PPP2R2B: variants seen among roughly 807,000 people sequenced by gnomAD.
The protein encoded by PPP2R2B is protein phosphatase 2 regulatory subunit Bbeta, also known as serine/threonine-protein phosphatase 2A 55 kDa regulatory subunit B beta isoform.
Under a neutral mutation model 46.0 loss-of-function variants are expected in PPP2R2B, and 5 were observed. That is an observed-to-expected ratio of 0.11 (90% CI 0.06 to 0.23). PPP2R2B has a LOEUF of 0.23. PPP2R2B is among the 10% of genes least tolerant of loss of function. The pLI, the probability that PPP2R2B is intolerant of heterozygous loss-of-function variation, is 1.00. For synonymous variants in PPP2R2B, 215 were observed against 206.7 expected (o/e 1.04, Z -0.34); for missense variants, 367 against 575.0 (o/e 0.64, Z 3.70).
At chr5:147,047,232 T>C (rs1374667151) in intron 1 of PPP2R2B, among the ~76,000 whole-genome samples, 3 of 152,138 alleles carry the variant, frequency 2.0e-5, no homozygotes, top group Non-Finnish European at 4.4e-5. Flanking sequence ...TCCAGTGTTC[T>C]ATACCACTGT....
chr5:146,616,065 C>G (rs1202103625), intron 7 of PPP2R2B, among the ~76,000 whole-genome samples: 1 of 151,936 alleles, frequency 6.6e-6, no homozygotes, highest in African/African-American at 2.4e-5. Flanking sequence ...ACACAAGAAC[C>G]CAGAAACAAA....
chr5:146,823,349 C>T (rs1758385411), intron 2 of PPP2R2B, among the ~76,000 whole-genome samples: 1 of 152,124 alleles, frequency 6.6e-6, no homozygotes, highest in South Asian at 2.1e-4. Flanking sequence ...AGGCGCCCAC[C>T]ACAAGGCCCG....
chr5:147,041,123 A>C (rs576611691), intron 1 of PPP2R2B, among the ~76,000 whole-genome samples: 25 of 152,132 alleles, frequency 1.6e-4, no homozygotes, highest in Non-Finnish European at 3.1e-4. Flanking sequence ...GTTTACACTA[A>C]TTCTCTGTGT....
At chr5:146,803,044 T>A (rs1488796005) in intron 2 of PPP2R2B, among the ~76,000 whole-genome samples, 1 of 151,966 alleles carries the variant, frequency 6.6e-6, no homozygotes, top group Non-Finnish European at 1.5e-5. Flanking sequence ...ACAAGAGGAG[T>A]GAAATTCAGC....
intron 2 of PPP2R2B, among the ~76,000 whole-genome samples, chr5:146,725,548 C>T (rs896507337): frequency 1.3e-5 from 2 of 152,152 alleles, no homozygotes; most frequent in African/African-American, 4.8e-5. Flanking sequence ...TATAAGTTGA[C>T]CATAAAACAC....
intron 1 of PPP2R2B, among the ~76,000 whole-genome samples, chr5:146,976,585 GTTTC>G (rs1354398164): frequency 3.9e-5 from 6 of 152,020 alleles, no homozygotes; most frequent in Non-Finnish European, 7.4e-5. Flanking sequence ...GAAAAAGAAG[GTTTC>G]TTTCTATCAA....
intron 5 of PPP2R2B, among the ~76,000 whole-genome samples, 169 bp downstream of exon 5, chr5:146,690,959 T>C (rs2151152472): frequency 1.3e-5 from 2 of 152,380 alleles, no homozygotes; most frequent in Non-Finnish European, 2.9e-5. Flanking sequence ...GCTTGGCACC[T>C]TTCCTGCTTC....
intron 2 of PPP2R2B, chr5:146,706,766 A>C: frequency 1.2e-6 from 1 of 805,950 alleles, no homozygotes; most frequent in Non-Finnish European, 2.2e-6. Flanking sequence ...CTCATACTTG[A>C]TCTGATACAT....
chr5:146,661,473 C>T lies in PPP2R2B; in HGVS notation c.448-10749G>A, dbSNP rs145565394. Among the ~76,000 whole-genome samples, 202 of 151,876 alleles carry T rather than the reference C, an allele frequency of 1.3e-3. 1 individual carries two copies. Among genetic ancestry groups the T allele is most frequent in the African/African-American group, 4.2e-3 (173 of 41,452 alleles). On this transcript the variant is annotated intron_variant, in intron 5 of 9. Transcript: ENST00000394411. The stretch of plus-strand genomic sequence containing the variant: ...ATATATACATAAATATATAAAATAT[C>T]TATGTTTAATATCTATATTTCAAAG...
intron 2 of PPP2R2B, among the ~76,000 whole-genome samples, chr5:146,767,543 C>T (rs1024320727): frequency 2.0e-4 from 31 of 152,144 alleles, no homozygotes; most frequent in African/African-American, 6.3e-4. Flanking sequence ...CATACATACA[C>T]ACACACACAC....
At chr5:146,979,039 T>A (rs1312634732) in intron 1 of PPP2R2B, among the ~76,000 whole-genome samples, 3 of 152,214 alleles carry the variant, frequency 2.0e-5, no homozygotes, top group Non-Finnish European at 4.4e-5. Flanking sequence ...AGCTGATGTA[T>A]TTAAGAATGG....
intron 5 of PPP2R2B, among the ~76,000 whole-genome samples, chr5:146,667,335 C>T (rs1271204627): frequency 1.6e-4 from 1 of 6,124 alleles, no homozygotes; most frequent in Non-Finnish European, 4.1e-4. Flanking sequence ...TGCGCGCGCA[C>T]ACACACACAC....
chr5:146,859,064 C>G (rs1475887302), intron 2 of PPP2R2B, among the ~76,000 whole-genome samples: 1 of 152,110 alleles, frequency 6.6e-6, no homozygotes, highest in Non-Finnish European at 1.5e-5. Flanking sequence ...ATTGATTTAT[C>G]TGATATTCCA....
intron 1 of PPP2R2B, among the ~76,000 whole-genome samples, chr5:146,932,336 C>A (rs567186055): frequency 9.8e-4 from 150 of 152,288 alleles, no homozygotes; most frequent in Non-Finnish European, 1.8e-3. Context: ...CAAATCTCAT[C>A]TTGAATGGTA....
chr5:146,695,639 A>G (rs908892933), intron 4 of PPP2R2B, among the ~76,000 whole-genome samples: 1 of 152,140 alleles, frequency 6.6e-6, no homozygotes, highest in African/African-American at 2.4e-5. Context: ...TTCTTGACTC[A>G]GTATCTTGAA....
intron 2 of PPP2R2B, among the ~76,000 whole-genome samples, chr5:146,797,875 C>A (rs1184199585): frequency 1.3e-5 from 2 of 152,156 alleles, no homozygotes; most frequent in Non-Finnish European, 2.9e-5. Context: ...GCTGGCTTAG[C>A]TCCTGGAGTT....
At chr5:147,056,492 AG>A (rs1434329118), upstream of PPP2R2B, among the ~76,000 whole-genome samples, 1 of 152,186 alleles carries the variant, frequency 6.6e-6, no homozygotes, top group Admixed American at 6.5e-5. Flanking sequence ...GCAATAACTT[AG>A]TTCTGAGTTA....
At chr5:146,951,538 G>A (rs1048870528) in intron 1 of PPP2R2B, among the ~76,000 whole-genome samples, 1 of 151,852 alleles carries the variant, frequency 6.6e-6, no homozygotes, top group African/African-American at 2.4e-5. Flanking sequence ...ATAGGCCCCA[G>A]TGTGTTTTTC....
intron 1 of PPP2R2B, among the ~76,000 whole-genome samples, chr5:147,006,042 G>A (rs1429722543): frequency 1.3e-5 from 2 of 152,146 alleles, no homozygotes; most frequent in South Asian, 2.1e-4. Flanking sequence ...AACCCAGCAG[G>A]TTTCCTAACA....
Sources: gnomAD v4.1 joint callset for allele counts (sites outside exome capture counted in the v4.1 genomes callset) on GRCh38, gnomAD v4.1.1 for gene constraint, MANE v1.5 for transcripts, NCBI Gene and HGNC (gene_info 2026-07-23, HGNC 2026-07-21) for gene names.